Variants in UNC79 observed in about 807,000 individuals in gnomAD.
The protein encoded by UNC79 is protein unc-79 homolog.
UNC79 carries 37 observed loss-of-function variants against 283.1 expected under a neutral mutation model. The ratio of observed to expected loss-of-function variants is 0.13; its 90% CI spans 0.10 to 0.17. The LOEUF is 0.17. UNC79 is among the 10% of genes least tolerant of loss of function. The probability of loss-of-function intolerance (pLI) is 1.00; values close to 1 mark genes in which losing one functional copy is unlikely to be tolerated. For missense variants in UNC79, 2,272 were observed against 3,211.1 expected (o/e 0.71, Z 7.07); for synonymous variants, 1,107 against 1,200.2 (o/e 0.92, Z 1.61).
At chr14:93,357,756 GAT>G (rs540250021) in intron 1 of UNC79, among the ~76,000 whole-genome samples, 19 of 83,290 alleles carry the variant, frequency 2.3e-4, no homozygotes, top group South Asian at 8.0e-4. Flanking sequence ...TGGATATATG[GAT>G]ATATATATAT....
chr14:93,389,416 G>A (rs2054839482), intron 1 of UNC79, among the ~76,000 whole-genome samples: 1 of 152,152 alleles, frequency 6.6e-6, no homozygotes, highest in Admixed American at 6.5e-5. Flanking sequence ...TGTAATCCCT[G>A]TGAGAAGGAG....
At chr14:93,623,471 T>C (rs1186220712) in intron 30 of UNC79, among the ~76,000 whole-genome samples, 1 of 152,212 alleles carries the variant, frequency 6.6e-6, no homozygotes, top group Non-Finnish European at 1.5e-5. Flanking sequence ...CTTGGAGGCA[T>C]TGTTTCTAAG....
At chr14:93,606,222 G>A (rs2065881921) in intron 26 of UNC79, among the ~76,000 whole-genome samples, 2 of 152,156 alleles carry the variant, frequency 1.3e-5, no homozygotes, top group South Asian at 4.1e-4. Flanking sequence ...ACATGTACAT[G>A]TGTTTCTTGC....
intron 19 of UNC79, among the ~76,000 whole-genome samples, chr14:93,581,488 T>A (rs1458030566): frequency 7.9e-6 from 1 of 127,200 alleles, no homozygotes; most frequent in Non-Finnish European, 1.7e-5. Flanking sequence ...TTGCATCTTT[T>A]TTTTTTTTTT....
chr14:93,539,514 C>T (rs998986177), intron 12 of UNC79, among the ~76,000 whole-genome samples: 1 of 151,498 alleles, frequency 6.6e-6, no homozygotes. Flanking sequence ...GAGCAAGACT[C>T]CGTCTCAAAA....
intron 2 of UNC79, among the ~76,000 whole-genome samples, chr14:93,472,565 T>C (rs867291532): frequency 1.3e-5 from 2 of 152,058 alleles, no homozygotes; most frequent in African/African-American, 4.8e-5. Flanking sequence ...CCCCTGGACA[T>C]TGGGTAACAG....
intron 20 of UNC79, among the ~76,000 whole-genome samples, chr14:93,583,227 A>G (rs1320465391): frequency 6.6e-6 from 1 of 152,042 alleles, no homozygotes; most frequent in Non-Finnish European, 1.5e-5. Context: ...AGATTGAGGC[A>G]GGAGAATCGC....
chr14:93,336,556 T>A (rs2053581634), intron 1 of UNC79, among the ~76,000 whole-genome samples: 1 of 152,190 alleles, frequency 6.6e-6, no homozygotes, highest in South Asian at 2.1e-4. Context: ...TTGGCCAGGC[T>A]GGTCTCAAAC....
chr14:93,487,669 C>T (rs953436830), exon 5 of UNC79: 2 of 1,613,650 alleles, frequency 1.2e-6, no homozygotes, highest in African/African-American at 1.3e-5. Flanking sequence ...GCAGTGGGCT[C>T]CTCAAGGAGA....
At chr14:93,361,944 G>A (rs8014875) in intron 1 of UNC79, among the ~76,000 whole-genome samples, 112,647 of 152,100 alleles carry the variant, frequency 0.74, 42,631 homozygotes, top group African/African-American at 0.87. Context: ...GAGTCTATTG[G>A]GATGATCTTG....
rs1413171326 is a variant in UNC79 at position 93,617,333 on chromosome 14, A to G, written c.4224+29A>G. On this transcript the variant is annotated intron_variant, in intron 28 of 48. Coordinates refer to ENST00000555664, the Ensembl canonical transcript of UNC79. The surrounding 1 kb of genome is among the most constrained non-coding windows in gnomAD (Gnocchi z 4.5). ...AGCTGGGTGGTCACTGCTGTTTTGG[A>G]TGCAATGGTTCTCTTAGAGAGCATA... 6.2e-7 allele frequency: 1 copy of G among 1,610,294 alleles called. No homozygotes were observed. Among genetic ancestry groups the G allele is most frequent in the Non-Finnish European group, 8.5e-7 (1 of 1,177,826 alleles).
chr14:93,426,045 A>G (rs967635714), upstream of UNC79, among the ~76,000 whole-genome samples: 1 of 152,048 alleles, frequency 6.6e-6, no homozygotes, highest in Non-Finnish European at 1.5e-5. Context: ...ATCTGAAAAT[A>G]TTTTTATTTT....
At chr14:93,706,515 AGGAC>A (rs2075888610) in intron 48 of UNC79, among the ~76,000 whole-genome samples, 185 bp from the exon 52 acceptor site, 2 of 152,276 alleles carry the variant, frequency 1.3e-5, no homozygotes, top group South Asian at 4.1e-4. Context: ...GGTTTGGGCC[AGGAC>A]GACTCTAGAA....
intron 26 of UNC79, among the ~76,000 whole-genome samples, chr14:93,604,682 A>G (rs953628131): frequency 6.6e-6 from 1 of 152,258 alleles, no homozygotes; most frequent in African/African-American, 2.4e-5. Flanking sequence ...AATTCACATG[A>G]CAATTTTGAA....
At chr14:93,643,589 A>G (rs752133859) in exon 34 of UNC79, 1 of 1,613,960 alleles carries the variant, frequency 6.2e-7, no homozygotes, top group Admixed American at 1.7e-5. Flanking sequence ...CTTGAAGAAT[A>G]CGATGAAGAG....
intron 1 of UNC79, among the ~76,000 whole-genome samples, chr14:93,380,880 A>G (rs1011977917): frequency 2.0e-5 from 3 of 152,202 alleles, no homozygotes; most frequent in Non-Finnish European, 2.9e-5. Context: ...TAGCATACAA[A>G]TGTATGAAAT....
At chr14:93,623,306 C>T (rs1048958633) in intron 30 of UNC79, among the ~76,000 whole-genome samples, 8 of 152,144 alleles carry the variant, frequency 5.3e-5, no homozygotes, top group African/African-American at 1.2e-4. Flanking sequence ...ACTGTATAAT[C>T]ACTTACAGGG....
rs2060133912 is a variant in UNC79, at chr14:93,517,748, A to G, written c.899-6230A>G. Among the ~76,000 whole-genome samples the G allele has an allele frequency of 2.6e-5, 4 of 151,818 alleles. No individual in the cohort carries two copies. The South Asian group carries it at 8.3e-4, about 32-fold the overall frequency. ...TTCTGACATGTCTTCCTGTTCTCAA[A>G]TTCTTTAGCCTCCTAATTATGTTTT... On this transcript the variant is annotated intron_variant, in intron 7 of 48. Transcript: ENST00000555664.
At chr14:93,562,522 G>A (rs911336472) in intron 14 of UNC79, among the ~76,000 whole-genome samples, 2 of 152,170 alleles carry the variant, frequency 1.3e-5, no homozygotes, top group South Asian at 2.1e-4. Context: ...GTACTGTCCA[G>A]TCCTTTTTAA....
Sources: gnomAD v4.1 joint callset for allele counts (sites outside exome capture counted in the v4.1 genomes callset) on GRCh38, gnomAD v4.1.1 for gene constraint, Gnocchi (gnomAD v3.1) non-coding constraint, MANE v1.5 for transcripts, NCBI Gene and HGNC (gene_info 2026-07-23, HGNC 2026-07-21) for gene names.